Variants in EYA2 observed in about 807,000 individuals in gnomAD.
EYA2 encodes protein phosphatase EYA2.
A neutral mutation model predicts 69.2 loss-of-function variants in EYA2; 31 were observed. The observed-to-expected ratio is 0.45, with a 90% CI of 0.34 to 0.60. EYA2 has a LOEUF of 0.60. EYA2 is among the 20% of genes least tolerant of loss of function. The pLI is 0.02. For missense variants in EYA2, 622 were observed against 701.2 expected (o/e 0.89, Z 1.28); for synonymous variants, 257 against 279.4 (o/e 0.92, Z 0.80).
At chr20:47,029,667 A>G (rs1462787913) in intron 5 of EYA2, among the ~76,000 whole-genome samples, 1 of 152,196 alleles carries the variant, frequency 6.6e-6, no homozygotes, top group Non-Finnish European at 1.5e-5. Flanking sequence ...ACACATCTTT[A>G]CATTTTGCCC....
intron 5 of EYA2, among the ~76,000 whole-genome samples, chr20:47,070,340 C>G (rs1423363654): frequency 6.6e-6 from 1 of 152,140 alleles, no homozygotes; most frequent in Non-Finnish European, 1.5e-5. Context: ...TACTTAAAAC[C>G]ACAGTGAGAT....
At chr20:47,040,069 G>A (rs1162586878) in intron 5 of EYA2, among the ~76,000 whole-genome samples, 1 of 151,904 alleles carries the variant, frequency 6.6e-6, no homozygotes, top group Non-Finnish European at 1.5e-5. Flanking sequence ...TCGAACTCCT[G>A]ACCTCAGGTG....
intron 2 of EYA2, among the ~76,000 whole-genome samples, chr20:46,990,893 G>A (rs528010223): frequency 3.1e-4 from 47 of 152,282 alleles, no homozygotes; most frequent in Admixed American, 7.2e-4. Context: ...AAAGTGACAC[G>A]TATCTAGTGG....
intron 11 of EYA2, 104 bp downstream of exon 11, chr20:47,169,301 C>A: frequency 1.8e-6 from 2 of 1,136,854 alleles, no homozygotes; most frequent in Non-Finnish European, 2.7e-6. Context: ...CTTATAAGGA[C>A]AAGGAGTGCC....
chr20:47,148,816 C>T (rs1377469466), intron 10 of EYA2, among the ~76,000 whole-genome samples: 1 of 152,210 alleles, frequency 6.6e-6, no homozygotes, highest in African/African-American at 2.4e-5. Flanking sequence ...CTCTACTGCA[C>T]TCACTCTGAA....
At chr20:47,093,856 C>T (rs549141451) in intron 8 of EYA2, among the ~76,000 whole-genome samples, 1 of 152,358 alleles carries the variant, frequency 6.6e-6, no homozygotes, top group East Asian at 1.9e-4. Context: ...TCACGCAGGC[C>T]TGGGTATCCA....
chr20:46,907,691 T>G (rs1984429067), intron 1 of EYA2, among the ~76,000 whole-genome samples: 3 of 151,986 alleles, frequency 2.0e-5, no homozygotes, highest in Admixed American at 2.0e-4. Flanking sequence ...ATAAAACAAT[T>G]AGCCAGGTAT....
chr20:47,005,593 T>C (rs1308076266), intron 4 of EYA2, among the ~76,000 whole-genome samples: 3 of 152,204 alleles, frequency 2.0e-5, no homozygotes, highest in Non-Finnish European at 4.4e-5. Context: ...AGTTGGGCCA[T>C]GTGGCAATGC....
At chr20:47,003,580 G>A (rs932994747) in intron 3 of EYA2, among the ~76,000 whole-genome samples, 18 of 152,242 alleles carry the variant, frequency 1.2e-4, no homozygotes, top group Admixed American at 1.2e-3. Flanking sequence ...GTGTATCTGT[G>A]CACGTAACCT....
intron 7 of EYA2, among the ~76,000 whole-genome samples, chr20:47,087,655 CTTG>C (rs767002946): frequency 3.3e-5 from 5 of 152,236 alleles, no homozygotes; most frequent in South Asian, 2.1e-4. Flanking sequence ...TGCTGCTTCA[CTTG>C]TTGGGGACCA....
At chr20:46,920,493 T>A (rs1294332476) in intron 1 of EYA2, among the ~76,000 whole-genome samples, 1 of 152,234 alleles carries the variant, frequency 6.6e-6, no homozygotes, top group Non-Finnish European at 1.5e-5. Flanking sequence ...AATGGCAGCC[T>A]CCTTTTGTGG....
At chr20:47,100,238 C>G (rs564854279) in intron 9 of EYA2, among the ~76,000 whole-genome samples, 1 of 152,160 alleles carries the variant, frequency 6.6e-6, no homozygotes. Context: ...GTGAATGTGT[C>G]GCCAACATTT....
intron 1 of EYA2, among the ~76,000 whole-genome samples, chr20:46,903,236 G>T (rs1409607041): frequency 6.6e-6 from 1 of 152,172 alleles, no homozygotes; most frequent in Non-Finnish European, 1.5e-5. Flanking sequence ...GGGTGCAGAG[G>T]GTGTTGACAT....
chr20:47,184,413 CTTTTT>C (rs36118012), intron 15 of EYA2, among the ~76,000 whole-genome samples: 7 of 117,892 alleles, frequency 5.9e-5, no homozygotes, highest in African/African-American at 3.5e-5. Context: ...CATTGCATCC[CTTTTT>C]TTTTTTTTTT....
intron 1 of EYA2, among the ~76,000 whole-genome samples, chr20:46,930,237 C>A (rs946112124): frequency 2.0e-5 from 3 of 152,162 alleles, no homozygotes; most frequent in African/African-American, 4.8e-5. Context: ...AAATGACATG[C>A]ATGTACTATA....
chr20:47,067,007 G>A (rs1001275305), intron 5 of EYA2, among the ~76,000 whole-genome samples: 1 of 152,162 alleles, frequency 6.6e-6, no homozygotes, highest in Non-Finnish European at 1.5e-5. Flanking sequence ...TCTGGCACAG[G>A]ATGGATTTCT....
At chr20:47,092,492 C>T (rs1449151694) in intron 8 of EYA2, among the ~76,000 whole-genome samples, 4 of 152,178 alleles carry the variant, frequency 2.6e-5, no homozygotes, top group Non-Finnish European at 5.9e-5. Flanking sequence ...CTAGAATCTC[C>T]TACCAGCTTG....
intron 1 of EYA2, among the ~76,000 whole-genome samples, chr20:46,913,387 C>T (rs1984745259): frequency 1.3e-5 from 2 of 152,022 alleles, no homozygotes; most frequent in Non-Finnish European, 2.9e-5. Flanking sequence ...TAGCCAGGGG[C>T]AGATAATGTA....
At chr20:47,182,179 C>T (rs1412281684) in intron 14 of EYA2, among the ~76,000 whole-genome samples, 3 of 151,882 alleles carry the variant, frequency 2.0e-5, no homozygotes, top group Admixed American at 6.6e-5. Flanking sequence ...CTACACCGAG[C>T]TAATTTTGTA....
Sources: allele counts gnomAD v4.1 joint callset (sites outside exome capture counted in the v4.1 genomes callset), GRCh38; gene constraint gnomAD v4.1.1; transcripts MANE v1.5; gene names NCBI Gene and HGNC (gene_info 2026-07-23, HGNC 2026-07-21).